EDIL3: variants seen among roughly 807,000 people sequenced by gnomAD.
EDIL3 encodes EGF like and discoidin domains 3.
In EDIL3, 37 loss-of-function variants were observed where a neutral mutation model predicts 67.4. The observed-to-expected ratio is 0.55, with a 90% CI of 0.42 to 0.72. The LOEUF (loss-of-function observed/expected upper bound fraction) is 0.72, where lower values mean the gene tolerates loss of function less well. Among genes scored for constraint, EDIL3 ranks in the 30% least tolerant of loss-of-function variants. The pLI, the probability that EDIL3 is intolerant of heterozygous loss-of-function variation, is 0.00. For synonymous variants in EDIL3, 195 were observed against 196.3 expected (o/e 0.99, Z 0.05); for missense variants, 527 against 586.3 (o/e 0.90, Z 1.04).
intron 1 of EDIL3, among the ~76,000 whole-genome samples, chr5:84,361,473 G>C (rs549782487): frequency 3.6e-4 from 54 of 152,054 alleles, no homozygotes; most frequent in Non-Finnish European, 6.8e-4. Context: ...ACTTCAAAAA[G>C]AATATGATGA....
chr5:84,142,720 G>A (rs112815317), intron 4 of EDIL3, among the ~76,000 whole-genome samples: 297 of 151,870 alleles, frequency 2.0e-3, no homozygotes, highest in African/African-American at 6.7e-3. Flanking sequence ...CTCTTCATAA[G>A]TAAGTACATT....
At chr5:84,247,373 A>C (rs1311900364) in intron 2 of EDIL3, among the ~76,000 whole-genome samples, 1 of 152,138 alleles carries the variant, frequency 6.6e-6, no homozygotes, top group Non-Finnish European at 1.5e-5. Flanking sequence ...CTGATATTTC[A>C]TGAACACTAA....
intron 3 of EDIL3, among the ~76,000 whole-genome samples, chr5:84,203,762 A>T (rs1743897766): frequency 6.6e-6 from 1 of 152,210 alleles, no homozygotes; most frequent in African/African-American, 2.4e-5. Flanking sequence ...AATACTCTTT[A>T]CTTTTAGAAA....
At chr5:84,198,114 T>G (rs908046338) in intron 3 of EDIL3, among the ~76,000 whole-genome samples, 1 of 152,038 alleles carries the variant, frequency 6.6e-6, no homozygotes, top group Non-Finnish European at 1.5e-5. Context: ...TTAGATAGCA[T>G]TGAAGACTAG....
chr5:83,955,540 G>A (rs1021695162), intron 10 of EDIL3, among the ~76,000 whole-genome samples: 2 of 151,548 alleles, frequency 1.3e-5, no homozygotes, highest in African/African-American at 4.8e-5. Context: ...AAAACAATAA[G>A]CATGTATTTA....
intron 7 of EDIL3, 151 bp from the exon 8 acceptor site, chr5:84,064,995 G>A (rs530960608): frequency 5.9e-5 from 59 of 1,002,984 alleles, no homozygotes; most frequent in Non-Finnish European, 7.5e-5. Context: ...GCCTTGCCAT[G>A]AGCACTGAAT....
intron 3 of EDIL3, among the ~76,000 whole-genome samples, chr5:84,229,270 C>A (rs562482979): frequency 2.0e-5 from 3 of 152,234 alleles, no homozygotes; most frequent in African/African-American, 2.4e-5. Flanking sequence ...CAGGCCACAG[C>A]CTGTGTTTGA....
chr5:84,281,491 T>C (rs1231383434), intron 1 of EDIL3, among the ~76,000 whole-genome samples: 1 of 152,220 alleles, frequency 6.6e-6, no homozygotes, highest in Non-Finnish European at 1.5e-5. Context: ...AATGCCATAA[T>C]CCACATGAAA....
chr5:83,994,699 G>A (rs1745207522), intron 9 of EDIL3, among the ~76,000 whole-genome samples: 1 of 152,050 alleles, frequency 6.6e-6, no homozygotes, highest in African/African-American at 2.4e-5. Flanking sequence ...CTTCTTGCCT[G>A]GAGAGAAAAC....
At chr5:84,354,675 A>G (rs1747441232) in intron 1 of EDIL3, among the ~76,000 whole-genome samples, 1 of 150,478 alleles carries the variant, frequency 6.6e-6, no homozygotes, top group African/African-American at 2.4e-5. Context: ...AAAAAGCACT[A>G]AAAAATAAAA....
At chr5:84,050,173 G>T (rs1304609839) in intron 9 of EDIL3, among the ~76,000 whole-genome samples, 9 of 137,440 alleles carry the variant, frequency 6.5e-5, no homozygotes, top group Non-Finnish European at 1.1e-4. Flanking sequence ...ACTCCAGCCT[G>T]GGCGACAGAG....
At chr5:84,293,131 C>T (rs1375137633) in intron 1 of EDIL3, among the ~76,000 whole-genome samples, 2 of 152,148 alleles carry the variant, frequency 1.3e-5, no homozygotes, top group East Asian at 3.9e-4. Flanking sequence ...GGTGCAAGAG[C>T]CCTGTGGTTT....
rs534430824 is a variant in EDIL3, at chr5:84,081,463, C to T, written c.652-14857G>A. Among the ~76,000 whole-genome samples the T allele has an allele frequency of 7.2e-5, 11 of 152,192 alleles. No individual in the cohort carries two copies. In the South Asian group the frequency reaches 2.3e-3, roughly 32 times the overall value. ...TCAGCACATGAGTAGAAATGCTAAT[C>T]CCAATAAAAACCACATTAGAAACAA... On this transcript the variant is annotated intron_variant, in intron 6 of 10. Coordinates refer to ENST00000296591, the MANE Select transcript of EDIL3 (RefSeq NM_005711.5).
At chr5:84,162,298 G>A (rs753219196) in intron 4 of EDIL3, among the ~76,000 whole-genome samples, 1 of 152,124 alleles carries the variant, frequency 6.6e-6, no homozygotes, top group Non-Finnish European at 1.5e-5. Context: ...GCCAGAGCAA[G>A]ATCTCCAATG....
intron 6 of EDIL3, among the ~76,000 whole-genome samples, chr5:84,100,041 A>G (rs1747333355): frequency 6.6e-6 from 1 of 152,172 alleles, no homozygotes; most frequent in African/African-American, 2.4e-5. Context: ...ATCTCACACC[A>G]GTTAGAATGG....
Position 83,941,759 on chromosome 5 carries a change from A to G in EDIL3, c.*1660T>C, listed in dbSNP as rs1351309921. 6.6e-6 allele frequency: 1 copy of G among 152,048 alleles called. No homozygotes were observed. Among genetic ancestry groups the G allele is most frequent in the Non-Finnish European group, 1.5e-5 (1 of 67,928 alleles). The allele number at this position is 152,048 out of a possible 1,614,324, so 9.4% of individuals were successfully genotyped here. ...AATAAGAACAAGAAGTAGAAAGCAT[A>G]TGGGCAAGGAACAAATATGTGGCCA... On this transcript the variant is annotated 3_prime_UTR_variant, in exon 11 of 11. Transcript: ENST00000296591.
intron 9 of EDIL3, among the ~76,000 whole-genome samples, chr5:84,025,168 C>T (rs1481140249): frequency 6.6e-6 from 1 of 152,124 alleles, no homozygotes; most frequent in African/African-American, 2.4e-5. Flanking sequence ...CTCAATCTCT[C>T]TAAACATCAG....
At chr5:84,289,249 T>C (rs1045406516) in intron 1 of EDIL3, among the ~76,000 whole-genome samples, 1 of 152,178 alleles carries the variant, frequency 6.6e-6, no homozygotes, top group East Asian at 1.9e-4. Flanking sequence ...TGACATTATC[T>C]AAATAAACTT....
At chr5:84,147,659 A>C (rs1462482564) in intron 4 of EDIL3, among the ~76,000 whole-genome samples, 1 of 152,032 alleles carries the variant, frequency 6.6e-6, no homozygotes, top group Non-Finnish European at 1.5e-5. Context: ...TGGGGCTTTT[A>C]AGGGAATGAA....
Sources: allele counts gnomAD v4.1 joint callset (sites outside exome capture counted in the v4.1 genomes callset), GRCh38; gene constraint gnomAD v4.1.1; transcripts MANE v1.5; gene names NCBI Gene and HGNC (gene_info 2026-07-23, HGNC 2026-07-21).